Variants in RMST observed in about 807,000 individuals in gnomAD.
The protein encoded by RMST is rhabdomyosarcoma 2 associated transcript.
At chr12:97,505,313 C>T (rs371803564) in intron 10 of RMST, among the ~76,000 whole-genome samples, 4 of 152,328 alleles carry the variant, frequency 2.6e-5, no homozygotes, top group Admixed American at 6.5e-5. Context: ...ATGCCAGTCT[C>T]GTCAAATAAG....
intron 4 of RMST, chr12:97,464,761 T>G (rs544914652): frequency 2.0e-5 from 3 of 152,326 alleles, no homozygotes; most frequent in South Asian, 2.1e-4. Context: ...AGCAGTCTTT[T>G]TTTCTTATTG....
chr12:97,563,044 G>A (rs558431431), intron 13 of RMST, among the ~76,000 whole-genome samples: 1 of 152,314 alleles, frequency 6.6e-6, no homozygotes. Flanking sequence ...TGAGTTTTCA[G>A]TGGTACAGAG....
At chr12:97,503,339 A>C (rs1410819701) in intron 10 of RMST, among the ~76,000 whole-genome samples, 1 of 152,140 alleles carries the variant, frequency 6.6e-6, no homozygotes, top group Non-Finnish European at 1.5e-5. Flanking sequence ...TATCGACGTG[A>C]ACTTTGACCA....
At chr12:97,554,543 A>C (rs2136658139) in intron 11 of RMST, among the ~76,000 whole-genome samples, 1 of 152,278 alleles carries the variant, frequency 6.6e-6, no homozygotes, top group South Asian at 2.1e-4. Flanking sequence ...TAAAAAAAAA[A>C]GTCTTAAGGT....
intron 10 of RMST, chr12:97,530,445 C>A (rs988319478): frequency 6.6e-6 from 1 of 152,032 alleles, no homozygotes; most frequent in South Asian, 2.1e-4. Context: ...TCCGAGACAG[C>A]TGGTGACGCA....
chr12:97,511,056 TTTTG>T (rs1415938995), intron 10 of RMST, among the ~76,000 whole-genome samples: 1 of 152,174 alleles, frequency 6.6e-6, no homozygotes, highest in Non-Finnish European at 1.5e-5. Flanking sequence ...GTGTTATTAT[TTTTG>T]TTTGAGACTG....
At chr12:97,534,897 T>C (rs1327533412) in intron 11 of RMST, among the ~76,000 whole-genome samples, 2 of 151,840 alleles carry the variant, frequency 1.3e-5, no homozygotes, top group African/African-American at 4.8e-5. Context: ...TTATTTGTTG[T>C]GCATTGTTTA....
At chr12:97,464,597 G>A (rs1187546540) in intron 4 of RMST, among the ~76,000 whole-genome samples, 2 of 152,114 alleles carry the variant, frequency 1.3e-5, no homozygotes, top group Non-Finnish European at 2.9e-5. Context: ...ATGGGTGCAG[G>A]GTGATCTAAT....
At chr12:97,494,975 G>A (rs753575505) in intron 9 of RMST, 1 of 152,098 alleles carries the variant, frequency 6.6e-6, no homozygotes, top group Non-Finnish European at 1.5e-5. Flanking sequence ...TCCATTTGAT[G>A]TAGAAATCTA....
chr12:97,468,732 A>C (rs1207878762), intron 5 of RMST, among the ~76,000 whole-genome samples: 1 of 152,066 alleles, frequency 6.6e-6, no homozygotes, highest in Non-Finnish European at 1.5e-5. Context: ...AAACATGCAG[A>C]ATTTCCAGAA....
intron 10 of RMST, among the ~76,000 whole-genome samples, chr12:97,519,125 G>A (rs181660006): frequency 1.3e-5 from 2 of 152,184 alleles, no homozygotes; most frequent in East Asian, 3.9e-4. Context: ...TCCCTCAATG[G>A]TCAACTTCTG....
chr12:97,473,908 G>A (rs1874219001), intron 5 of RMST, among the ~76,000 whole-genome samples: 1 of 152,090 alleles, frequency 6.6e-6, no homozygotes, highest in Non-Finnish European at 1.5e-5. Context: ...AAAAGCAAAG[G>A]CCTAGTAATG....
intron 11 of RMST, among the ~76,000 whole-genome samples, chr12:97,552,934 G>C (rs769041991): frequency 2.0e-5 from 3 of 152,184 alleles, no homozygotes; most frequent in Non-Finnish European, 2.9e-5. Flanking sequence ...GGGGGTAAGA[G>C]TGAGCCTACA....
At chr12:97,535,571 C>T (rs937495023) in intron 11 of RMST, among the ~76,000 whole-genome samples, 2 of 150,124 alleles carry the variant, frequency 1.3e-5, no homozygotes, top group African/African-American at 5.0e-5. Flanking sequence ...AAAGGTTTTA[C>T]CTGAAGTCAG....
At chr12:97,557,282 GTAAT>G (rs1392078665) in intron 11 of RMST, among the ~76,000 whole-genome samples, 2 of 152,160 alleles carry the variant, frequency 1.3e-5, no homozygotes, top group Non-Finnish European at 2.9e-5. Flanking sequence ...TTCAGGTGCA[GTAAT>G]TAAAGCTGTC....
At chr12:97,536,403 C>T (rs1355824828) in intron 11 of RMST, among the ~76,000 whole-genome samples, 1 of 151,296 alleles carries the variant, frequency 6.6e-6, no homozygotes. Context: ...CCAGGTGGTT[C>T]CAAAAATTTG....
intron 5 of RMST, among the ~76,000 whole-genome samples, chr12:97,485,357 A>G (rs1875963479): frequency 6.6e-6 from 1 of 152,166 alleles, no homozygotes; most frequent in African/African-American, 2.4e-5. Context: ...TGAGTATTTT[A>G]CTGCATTTCC....
chr12:97,464,427 C>A (rs1317940827), intron 4 of RMST, among the ~76,000 whole-genome samples: 1 of 152,092 alleles, frequency 6.6e-6, no homozygotes, highest in African/African-American at 2.4e-5. Context: ...TTCGGAGCTT[C>A]CTGTGATATA....
At chr12:97,523,362 G>A (rs538760413) in intron 10 of RMST, among the ~76,000 whole-genome samples, 1 of 152,118 alleles carries the variant, frequency 6.6e-6, no homozygotes, top group Admixed American at 6.6e-5. Context: ...AATAGGGAGA[G>A]ATTAGTCAAG....
Sources: gnomAD v4.1 joint callset for allele counts (sites outside exome capture counted in the v4.1 genomes callset) on GRCh38, gnomAD v4.1.1 for gene constraint, MANE v1.5 for transcripts, NCBI Gene and HGNC (gene_info 2026-07-23, HGNC 2026-07-21) for gene names.